TMEM98: variants seen among roughly 807,000 people sequenced by gnomAD.
The protein encoded by TMEM98 is transmembrane protein 98.
A neutral mutation model predicts 25.0 loss-of-function variants in TMEM98; 18 were observed. The ratio of observed to expected loss-of-function variants is 0.72; its 90% CI spans 0.50 to 1.07. TMEM98 has a LOEUF of 1.07. TMEM98 is among the 50% of genes least tolerant of loss of function. The pLI is 0.00. For missense variants in TMEM98, 241 were observed against 289.0 expected, an observed-to-expected ratio of 0.83 and a Z score of 1.20; for synonymous variants, 103 against 112.4, an observed-to-expected ratio of 0.92 and a Z score of 0.53.
At chr17:32,933,393 C>T in intron 4 of TMEM98, 88 bp downstream of exon 4, 1 of 1,541,810 alleles carries the variant, frequency 6.5e-7, no homozygotes. Flanking sequence ...AGCTGGCATT[C>T]AAGAACAGTC....
At chr17:32,933,060 G>C in intron 3 of TMEM98, 114 bp from the exon 4 acceptor site, 2 of 1,446,642 alleles carry the variant, frequency 1.4e-6, no homozygotes, top group Admixed American at 4.5e-5. Context: ...AGTGGTCTCT[G>C]CCCTAGCTTA....
Position 32,939,488 on chromosome 17 carries a change from T to A in TMEM98, c.425T>A (p.Val142Asp). 1 of 1,613,464 alleles carries A rather than the reference T, an allele frequency of 6.2e-7. No individual in the cohort carries two copies. The highest frequency in any genetic ancestry group is 8.5e-7 in the Non-Finnish European group (1 of 1,179,880). ...AKRISPRVDD[V>D]VKSMYPPLDP... is the part of the protein sequence containing the mutation. The stretch of plus-strand genomic sequence containing the variant: ...TTGCCTCCGGTCAGGGTGGATGATG[T>A]TGTGAAGTCGATGTACCCTCCGTTG... The change falls in exon 7 of 8, where the codon GTT (valine) becomes GAT (aspartate). Residue 142 changes from valine to aspartate, a missense_variant. Transcript: ENST00000579849.
chr17:32,938,374 CTCTGCATGTCCTCACCG>C (rs2091509140), intron 6 of TMEM98, among the ~76,000 whole-genome samples: 2 of 152,244 alleles, frequency 1.3e-5, no homozygotes, highest in Admixed American at 1.3e-4. Flanking sequence ...GTGACTGTGT[CTCTGCATGTCCTCACCG>C]GCTCCACAGC....
rs2091537005 is a variant in TMEM98 at position 32,942,746 on chromosome 17, C to A, written c.*1753C>A. 6.6e-6 allele frequency: 1 copy of A among 152,178 alleles called. No individual in the cohort carries two copies. Among genetic ancestry groups the A allele is most frequent in the Non-Finnish European group, 1.5e-5 (1 of 68,022 alleles). The allele number at this position is 152,178 out of a possible 1,614,324, so 9.4% of individuals were successfully genotyped here. On this transcript the variant is annotated 3_prime_UTR_variant, in exon 8 of 8. Coordinates refer to ENST00000579849, the MANE Select transcript of TMEM98 (RefSeq NM_015544.3). ...TAAAAACGTTAAGTGGTGAACTTTCCCGTCCTGTCAAGCTGTGAATGGGGA... is the reference window on the plus strand; with the variant it reads ...TAAAAACGTTAAGTGGTGAACTTTCACGTCCTGTCAAGCTGTGAATGGGGA...
chr17:32,933,446 G>A, intron 4 of TMEM98, 141 bp downstream of exon 4: 1 of 1,191,276 alleles, frequency 8.4e-7, no homozygotes, highest in Non-Finnish European at 1.2e-6. Context: ...TAGTGTGGGG[G>A]AAAATCAGAA....
intron 6 of TMEM98, among the ~76,000 whole-genome samples, chr17:32,938,590 T>C (rs150200895): frequency 1.5e-3 from 236 of 152,296 alleles, no homozygotes; most frequent in African/African-American, 5.1e-3. Context: ...GTAGAAGAAA[T>C]CCAGTAGAGC....
intron 3 of TMEM98, among the ~76,000 whole-genome samples, chr17:32,932,901 T>C (rs2091477300): frequency 6.6e-6 from 1 of 152,248 alleles, no homozygotes. Flanking sequence ...CAGGTAGTTA[T>C]ACCCTACTCT....
intron 3 of TMEM98, 125 bp from the exon 4 acceptor site, chr17:32,933,049 A>G (rs2091478039): frequency 2.2e-6 from 3 of 1,371,194 alleles, no homozygotes; most frequent in Non-Finnish European, 2.9e-6. Flanking sequence ...GATCCGGGAC[A>G]AGTGGTCTCT....
chr17:32,928,711 C>T (rs1465609299), intron 1 of TMEM98, among the ~76,000 whole-genome samples: 1 of 151,962 alleles, frequency 6.6e-6, no homozygotes, highest in African/African-American at 2.4e-5. Flanking sequence ...ACACTCAGCT[C>T]ACACGCACTG....
At position 32,934,300 on chromosome 17, in the gene TMEM98, G is replaced by A. The variant is rs2091484474; in HGVS notation, c.273G>A (p.Met91Ile). The A allele has an allele frequency of 3.1e-6, 5 of 1,614,000 alleles. No individual in the cohort carries two copies. Among genetic ancestry groups the A allele is most frequent in the Non-Finnish European group, 4.2e-6 (5 of 1,180,018 alleles). The change falls in exon 5 of 8, where the codon ATG becomes ATA. Residue 91 changes from methionine (M) to isoleucine (I), a missense_variant. By Grantham distance (10) the Met-to-Ile change is conservative. Coordinates refer to ENST00000579849, the MANE Select transcript of TMEM98 (RefSeq NM_015544.3). Reference protein sequence around the residue: ...EDWIEDASGLMSHCIAILKIC... With the variant: ...EDWIEDASGLISHCIAILKIC... ...CTTCTTGTTTCCCCAGGGGTCTCAT[G>A]TCCCACTGCATTGCCATCTTGAAGG...
chr17:32,939,708 G>T (rs28994), intron 7 of TMEM98, among the ~76,000 whole-genome samples, 172 bp downstream of exon 7: 13,512 of 152,244 alleles, frequency 0.089, 679 homozygotes, highest in Non-Finnish European at 0.094. Context: ...CTGACTGGGT[G>T]ATAGAGGCCA....
chr17:32,935,104 T>G (rs1330777742), intron 5 of TMEM98, among the ~76,000 whole-genome samples: 1 of 152,204 alleles, frequency 6.6e-6, no homozygotes, highest in Non-Finnish European at 1.5e-5. Context: ...ACTTTGTCTT[T>G]TCTTTAGTGT....
At chr17:32,936,141 C>G (rs2091494805) in intron 5 of TMEM98, among the ~76,000 whole-genome samples, 191 bp from the exon 6 acceptor site, 1 of 152,206 alleles carries the variant, frequency 6.6e-6, no homozygotes, top group Non-Finnish European at 1.5e-5. Flanking sequence ...CCCAGGTCCT[C>G]TCCCAGCCAT....
intron 3 of TMEM98, 128 bp from the exon 4 acceptor site, chr17:32,933,046 G>T: frequency 7.3e-7 from 1 of 1,360,576 alleles, no homozygotes; most frequent in South Asian, 1.6e-5. Context: ...TTGGATCCGG[G>T]ACAAGTGGTC....
chr17:32,941,077 A>T lies in TMEM98; in HGVS notation c.*84A>T, dbSNP rs11871410. On this transcript the variant is annotated 3_prime_UTR_variant, in exon 8 of 8. Coordinates refer to ENST00000579849, the MANE Select transcript of TMEM98 (RefSeq NM_015544.3). ...CTTAGCCTTCTACTTTTTCCTATAGAGTTAGTTGTTCTCCACGGCTGGAGA... is the reference window on the plus strand; with the variant it reads ...CTTAGCCTTCTACTTTTTCCTATAGTGTTAGTTGTTCTCCACGGCTGGAGA... 2 of 1,226,532 alleles carry T rather than the reference A, an allele frequency of 1.6e-6. No homozygotes were observed. The highest frequency in any genetic ancestry group is 2.2e-6 in the Non-Finnish European group (2 of 890,270). The allele number at this position is 1,226,532 out of a possible 1,614,324, so 76.0% of individuals were successfully genotyped here.
chr17:32,943,551 T>A lies in TMEM98; in HGVS notation c.*2558T>A, dbSNP rs531078863. Reference sequence around the variant, plus strand: ...TAGGAGCATTAGACTCAAATTCTGATGAAAAAGAAATTACTTGGAGATAGA... The same window carrying A: ...TAGGAGCATTAGACTCAAATTCTGAAGAAAAAGAAATTACTTGGAGATAGA... On this transcript the variant is annotated 3_prime_UTR_variant, in exon 8 of 8. Coordinates refer to ENST00000579849, the MANE Select transcript of TMEM98 (RefSeq NM_015544.3). 6.6e-6 allele frequency: 1 copy of A among 152,194 alleles called. No homozygotes were observed. Among genetic ancestry groups the A allele is most frequent in the Non-Finnish European group, 1.5e-5 (1 of 68,050 alleles). 9.4% of individuals were successfully genotyped at this position (152,194 alleles called of 1,614,324 possible).
rs73272020 is a variant in TMEM98, at chr17:32,944,147, G to C, written c.*3154G>C. On this transcript the variant is annotated 3_prime_UTR_variant, in exon 8 of 8. Coordinates refer to ENST00000579849, the MANE Select transcript of TMEM98 (RefSeq NM_015544.3). Reference sequence around the variant, plus strand: ...CCCCCTGACCTGCCTCATTCCAGGAGTTCCCTCTCCAGAGACCCTGTGTGC... The same window carrying C: ...CCCCCTGACCTGCCTCATTCCAGGACTTCCCTCTCCAGAGACCCTGTGTGC... The C allele has an allele frequency of 0.014, 2,183 of 150,632 alleles. 37 individuals carry two copies. Among genetic ancestry groups the C allele is most frequent in the African/African-American group, 0.05 (2,059 of 41,056 alleles). The allele number at this position is 150,632 out of a possible 1,614,324, so 9.3% of individuals were successfully genotyped here. A position where few individuals can be genotyped will look rare whatever the true frequency, so the allele number is the denominator to read the frequency against.
chr17:32,933,129 C>T lies in TMEM98; in HGVS notation c.132-45C>T, dbSNP rs113404051. On this transcript the variant is annotated intron_variant, in intron 3 of 7. Coordinates refer to ENST00000579849, the MANE Select transcript of TMEM98 (RefSeq NM_015544.3). ...GCCTCAGTGAGGAGAGGATCAGCAG[C>T]GGTCACCCACCATGAAACCATTTAA... is the stretch of plus-strand genomic sequence containing the variant. 8.2e-4 allele frequency: 1,323 copies of T among 1,608,078 alleles called. 6 individuals are homozygous for T. In the African/African-American group the frequency reaches 0.011, roughly 13 times the overall value.
At chr17:32,938,491 C>T (rs2091509826) in intron 6 of TMEM98, among the ~76,000 whole-genome samples, 1 of 152,148 alleles carries the variant, frequency 6.6e-6, no homozygotes, top group South Asian at 2.1e-4. Flanking sequence ...ATCGAGTGTT[C>T]ATGAGCAAAG....
Sources: gnomAD v4.1 joint callset for allele counts (sites outside exome capture counted in the v4.1 genomes callset) on GRCh38, gnomAD v4.1.1 for gene constraint, MANE v1.5 for transcripts, NCBI Gene and HGNC (gene_info 2026-07-23, HGNC 2026-07-21) for gene names.